The following ATAD3B variants were observed in gnomAD, a reference collection of about 807,000 sequenced individuals.
ATAD3B encodes ATPase family AAA domain containing 3B, also known as ATPase family AAA domain-containing protein 3B.
In ATAD3B, 59 loss-of-function variants were observed where a neutral mutation model predicts 70.2. The ratio of observed to expected loss-of-function variants is 0.84; its 90% CI spans 0.68 to 1.04. The LOEUF (loss-of-function observed/expected upper bound fraction) is 1.04. Among genes scored for constraint, ATAD3B ranks in the 50% least tolerant of loss-of-function variants. ATAD3B has a pLI of 0.00. For synonymous variants in ATAD3B, 423 were observed against 388.6 expected, an observed-to-expected ratio of 1.09 and a Z score of -1.04; for missense variants, 961 against 913.4, an observed-to-expected ratio of 1.05 and a Z score of -0.67.
the ATAD3B span, chr1:1,503,521 T>C: frequency 5.2e-6 from 8 of 1,525,786 alleles, no homozygotes; most frequent in Non-Finnish European, 7.1e-6. Flanking sequence ...TTGGCTGGTG[T>C]GGTGCCTGCC....
rs780736118 is a variant in ATAD3B, at chr1:1,479,497, CAG to C, written c.444+390_444+391del. ...ACCCCTGTGCGCACACACCCCTACA[CAG>C]GGGCATGGACAGACACCCGCAAACA... is the stretch of plus-strand genomic sequence containing the variant. On this transcript the variant is annotated intron_variant, in intron 4 of 15. Coordinates refer to ENST00000673477, the MANE Select transcript of ATAD3B (RefSeq NM_031921.6). Among the ~76,000 whole-genome samples the C allele has an allele frequency of 5.7e-4, 81 of 142,882 alleles. 9 individuals carry two copies. Among genetic ancestry groups the C allele is most frequent in the Middle Eastern group, 3.6e-3 (1 of 280 alleles). 93.7% of individuals were successfully genotyped at this position (142,882 alleles called of 152,430 possible). A position where few individuals can be genotyped will look rare whatever the true frequency, so the allele number is the denominator to read the frequency against.
intron 7 of ATAD3B, chr1:1,484,118 CAG>C (rs1464831923): frequency 5.9e-5 from 9 of 152,006 alleles, no homozygotes; most frequent in African/African-American, 2.2e-4. Context: ...TTCAAACTCT[CAG>C]GGTTTTATTC....
In ATAD3B at chr1:1,496,913, A is replaced by G. The variant is rs1345626336; in HGVS notation, c.*1096A>G. 3 of 143,802 alleles carry G rather than the reference A, an allele frequency of 2.1e-5. No individual in the cohort carries two copies. Among genetic ancestry groups the G allele is most frequent in the African/African-American group, 8.5e-5 (3 of 35,234 alleles). The allele number at this position is 143,802 out of a possible 1,614,324, so 8.9% of individuals were successfully genotyped here. A position where few individuals can be genotyped will look rare whatever the true frequency, so the allele number is the denominator to read the frequency against. ...CGCTGCTGGAGGACTCTCAGACAGG[A>G]AACCTTTGCTTTGGGGGCAGGGTGG... On this transcript the variant is annotated 3_prime_UTR_variant, in exon 16 of 16. Coordinates refer to ENST00000673477, the MANE Select transcript of ATAD3B (RefSeq NM_031921.6).
At chr1:1,490,811 G>C (rs1432712892) in intron 15 of ATAD3B, 140 bp downstream of exon 15, 1 of 1,468,398 alleles carries the variant, frequency 6.8e-7, no homozygotes, top group Non-Finnish European at 9.0e-7. Context: ...GTGACACAGG[G>C]CCCCCTGCCT....
At position 1,495,637 on chromosome 1, in the gene ATAD3B, A is replaced by G; in HGVS notation, c.1767A>G (p.Gln589=). 1.2e-6 allele frequency: 2 copies of G among 1,612,984 alleles called. No homozygotes were observed. The highest frequency in any genetic ancestry group is 8.5e-7 in the Non-Finnish European group (1 of 1,179,388). The change falls in exon 16 of 16, where the codon CAA becomes CAG. Residue 589 remains glutamine, a synonymous_variant. Transcript: ENST00000673477. The part of the protein sequence containing the change: ...RGVEHPLSGV[Q]GETLTSWSLA... ...TCGAGCACCCCCTATCCGGAGTCCA[A>G]GGCGAGACCCTCACCTCATGGAGCC...
intron 15 of ATAD3B, 144 bp downstream of exon 15, chr1:1,490,815 C>T: frequency 1.4e-6 from 2 of 1,465,944 alleles, no homozygotes; most frequent in Non-Finnish European, 1.8e-6. Context: ...CACAGGGCCC[C>T]CTGCCTCAGT....
At chr1:1,508,410 A>G in the ATAD3B span, among the ~76,000 whole-genome samples, 1 of 151,280 alleles carries the variant, frequency 6.6e-6, no homozygotes, top group Non-Finnish European at 1.5e-5. Flanking sequence ...CCGTGAGATG[A>G]ATCCTGCCTC....
chr1:1,486,010 C>T, intron 9 of ATAD3B, 100 bp from the exon 10 acceptor site: 2 of 1,596,968 alleles, frequency 1.3e-6, no homozygotes, highest in Admixed American at 3.4e-5. Context: ...GGGCGGCTTC[C>T]TGAGGAGCAG....
intron 15 of ATAD3B, among the ~76,000 whole-genome samples, chr1:1,494,118 CG>C (rs1640663457): frequency 6.6e-6 from 1 of 151,858 alleles, no homozygotes; most frequent in African/African-American, 2.4e-5. Context: ...CTCCCGGGCC[CG>C]GGGCCTTCCC....
intron 12 of ATAD3B, among the ~76,000 whole-genome samples, chr1:1,488,333 C>T (rs1057066829): frequency 6.6e-6 from 1 of 150,930 alleles, no homozygotes; most frequent in African/African-American, 2.5e-5. Context: ...TCAAGCAGTC[C>T]TCCTGCCTCA....
chr1:1,475,501 C>T (rs1325680360), intron 1 of ATAD3B, among the ~76,000 whole-genome samples: 3 of 151,934 alleles, frequency 2.0e-5, no homozygotes, highest in Admixed American at 2.0e-4. Context: ...GCTCTCCAGG[C>T]AAACGGGCGG....
downstream of ATAD3B, among the ~76,000 whole-genome samples, chr1:1,502,301 G>A (rs148819757): frequency 0.021 from 3,158 of 150,060 alleles, 112 homozygotes; most frequent in African/African-American, 0.072. Context: ...TACAACCTCC[G>A]CCTCCCGGGT....
downstream of ATAD3B, among the ~76,000 whole-genome samples, chr1:1,498,761 G>C (rs1456467398): frequency 5.3e-5 from 8 of 151,500 alleles, no homozygotes; most frequent in East Asian, 1.2e-3. Flanking sequence ...GGAGTGCAGT[G>C]GTGAGATCTC....
chr1:1,474,250 G>GCGT, intron 1 of ATAD3B, among the ~76,000 whole-genome samples: 1 of 151,016 alleles, frequency 6.6e-6, no homozygotes, highest in East Asian at 1.9e-4. Flanking sequence ...GAGTGCAGTG[G>GCGT]CGTGATCACG....
chr1:1,498,542 G>C (rs534260610), downstream of ATAD3B, among the ~76,000 whole-genome samples: 14 of 151,926 alleles, frequency 9.2e-5, no homozygotes, highest in Admixed American at 4.6e-4. Context: ...GGTGGGTGGG[G>C]GTACAGCTGG....
chr1:1,488,525 C>T (rs1357555335), intron 12 of ATAD3B, among the ~76,000 whole-genome samples: 1 of 152,060 alleles, frequency 6.6e-6, no homozygotes, highest in East Asian at 1.9e-4. Flanking sequence ...CTTTGGGAGG[C>T]CAAGGCAGGT....
chr1:1,486,882 G>T (rs1192342737), intron 11 of ATAD3B, among the ~76,000 whole-genome samples: 2 of 150,634 alleles, frequency 1.3e-5, no homozygotes, highest in Non-Finnish European at 2.9e-5. Context: ...GAGGCTGCCA[G>T]TGGGATACTT....
intron 12 of ATAD3B, 151 bp from the exon 13 acceptor site, chr1:1,489,053 C>A: frequency 1.4e-6 from 2 of 1,390,204 alleles, no homozygotes; most frequent in South Asian, 1.4e-5. Context: ...TGAGCCACCG[C>A]CCCTGGCCCT....
chr1:1,482,298 C>A lies in ATAD3B; in HGVS notation c.675C>A (p.Ser225=). 1 of 1,607,538 alleles carries A rather than the reference C, an allele frequency of 6.2e-7. No homozygotes were observed. ...AGCACCGTCAGACCGTCTTGGAGTC[C>A]ATCAGGTGAGCACTGCCCAGGCCCG... The part of the protein sequence containing the change: ...ASEHRQTVLE[S]IRTAGTLFGE... The change falls in exon 6 of 16, where the codon TCC becomes TCA. Residue 225 remains serine, a synonymous_variant. Transcript: ENST00000673477.
Sources: allele counts gnomAD v4.1 joint callset (sites outside exome capture counted in the v4.1 genomes callset), GRCh38; gene constraint gnomAD v4.1.1; transcripts MANE v1.5; gene names NCBI Gene and HGNC (gene_info 2026-07-23, HGNC 2026-07-21).